APBB2: variants seen among roughly 807,000 people sequenced by gnomAD.
The protein encoded by APBB2 is amyloid beta precursor protein binding family B member 2, also known as Fe65-like 1.
A neutral mutation model predicts 82.5 loss-of-function variants in APBB2; 38 were observed. The observed-to-expected ratio is 0.46, with a 90% confidence interval of 0.36 to 0.60. APBB2 has a LOEUF of 0.60. Among genes scored for constraint, APBB2 ranks in the 20% least tolerant of loss-of-function variants. The pLI is 0.00. For missense variants in APBB2, 772 were observed against 972.3 expected, an observed-to-expected ratio of 0.79 and a Z score of 2.74; for synonymous variants, 341 against 368.2, an observed-to-expected ratio of 0.93 and a Z score of 0.85.
chr4:40,899,741 G>C (rs1452556924), intron 10 of APBB2, among the ~76,000 whole-genome samples: 1 of 152,104 alleles, frequency 6.6e-6, no homozygotes, highest in African/African-American at 2.4e-5. Flanking sequence ...GAATTTCTAG[G>C]TTTCTGTCCT....
intron 6 of APBB2, among the ~76,000 whole-genome samples, chr4:40,960,641 G>A (rs1424959285): frequency 1.3e-5 from 2 of 151,828 alleles, no homozygotes; most frequent in Admixed American, 6.6e-5. Flanking sequence ...TAGAGACGGG[G>A]TTTCACCGAG....
At chr4:41,160,563 C>T (rs1318458269) in intron 1 of APBB2, among the ~76,000 whole-genome samples, 1 of 152,120 alleles carries the variant, frequency 6.6e-6, no homozygotes, top group African/African-American at 2.4e-5. Flanking sequence ...CCGCCTTGGG[C>T]AAATCCCTCA....
At chr4:40,895,643 A>G (rs1773458569) in intron 10 of APBB2, among the ~76,000 whole-genome samples, 1 of 152,220 alleles carries the variant, frequency 6.6e-6, no homozygotes, top group African/African-American at 2.4e-5. Context: ...CTGATCCCTA[A>G]GTGCCCAGGC....
chr4:41,189,467 C>T (rs541809083), intron 1 of APBB2, among the ~76,000 whole-genome samples: 1 of 152,262 alleles, frequency 6.6e-6, no homozygotes, highest in South Asian at 2.1e-4. Flanking sequence ...CACCTAAGAT[C>T]TGTGTGCTTT....
intron 5 of APBB2, among the ~76,000 whole-genome samples, chr4:41,020,048 CAGAG>C (rs1381454057): frequency 6.6e-6 from 1 of 152,176 alleles, no homozygotes; most frequent in Non-Finnish European, 1.5e-5. Context: ...ACAAAGGAGT[CAGAG>C]AGAAAGAGAC....
intron 2 of APBB2, among the ~76,000 whole-genome samples, chr4:41,106,438 T>C (rs149269534): frequency 7.1e-6 from 1 of 141,616 alleles, no homozygotes; most frequent in East Asian, 2.1e-4. Context: ...GATTAATGAC[T>C]TTTAACTTTT....
intron 6 of APBB2, among the ~76,000 whole-genome samples, chr4:40,994,039 C>A (rs957279593): frequency 7.3e-4 from 111 of 152,232 alleles, no homozygotes; most frequent in African/African-American, 2.6e-3. Context: ...CCTGTAATCC[C>A]AGCACTTTGG....
chr4:41,104,750 T>C (rs896811572), intron 2 of APBB2, among the ~76,000 whole-genome samples: 7 of 152,138 alleles, frequency 4.6e-5, no homozygotes, highest in Admixed American at 1.3e-4. Flanking sequence ...GAATGTGTGG[T>C]ATTTGGTTTT....
At chr4:40,970,000 G>A (rs571411997) in intron 6 of APBB2, among the ~76,000 whole-genome samples, 59 of 152,262 alleles carry the variant, frequency 3.9e-4, no homozygotes, top group African/African-American at 1.3e-3. Flanking sequence ...AACATATCCT[G>A]CCCTTACATG....
chr4:41,180,315 G>A (rs1196305327), intron 1 of APBB2, among the ~76,000 whole-genome samples: 1 of 152,162 alleles, frequency 6.6e-6, no homozygotes, highest in African/African-American at 2.4e-5. Flanking sequence ...GTCCTTAAGA[G>A]TAAACTTGGC....
chr4:41,212,293 A>G (rs1340775624), intron 1 of APBB2, among the ~76,000 whole-genome samples: 1 of 152,170 alleles, frequency 6.6e-6, no homozygotes, highest in Non-Finnish European at 1.5e-5. Flanking sequence ...CAGTATTCAC[A>G]TTACTCCAGC....
At position 41,078,170 on chromosome 4, in the gene APBB2, C is replaced by T. The variant is rs926292611; in HGVS notation, c.-148-12497G>A. On this transcript the variant is annotated intron_variant, in intron 3 of 17. Transcript: ENST00000508593. ...GAATAAAAGAAAGATAAACCCCTCTCTTCCTCAATGGAATTCATGTTTAAT... is the reference window on the plus strand; with the variant it reads ...GAATAAAAGAAAGATAAACCCCTCTTTTCCTCAATGGAATTCATGTTTAAT... Among the ~76,000 whole-genome samples, 3 of 152,110 alleles carry T rather than the reference C, an allele frequency of 2.0e-5. No homozygotes were observed. The East Asian group carries it at 5.8e-4, about 29-fold the overall frequency.
In APBB2 at chr4:41,065,623, G is replaced by C. The variant is rs928985740; in HGVS notation, c.-98C>G. Reference sequence around the variant, plus strand: ...AGCCCATAGCGACAGTCAACACATTGGCAGAGGCCTCGGCAGTTCCCAAGT... The same window carrying C: ...AGCCCATAGCGACAGTCAACACATTCGCAGAGGCCTCGGCAGTTCCCAAGT... On this transcript the variant is annotated 5_prime_UTR_variant, in exon 4 of 18. Transcript: ENST00000508593. 1 of 151,912 alleles carries C rather than the reference G, an allele frequency of 6.6e-6. No individual in the cohort carries two copies. Among genetic ancestry groups the C allele is most frequent in the Non-Finnish European group, 1.5e-5 (1 of 68,008 alleles). 9.4% of individuals were successfully genotyped at this position (151,912 alleles called of 1,614,324 possible). A position where few individuals can be genotyped will look rare whatever the true frequency, so the allele number is the denominator to read the frequency against.
chr4:40,935,202 GAAAA>G, intron 7 of APBB2, 63 bp from the exon 8 acceptor site: 4 of 806,732 alleles, frequency 5.0e-6, no homozygotes, highest in Non-Finnish European at 7.3e-6. Context: ...GAAAAGAAAA[GAAAA>G]AAAAAAAACA....
chr4:41,113,273 T>C (rs1749836356), intron 2 of APBB2, among the ~76,000 whole-genome samples: 1 of 152,210 alleles, frequency 6.6e-6, no homozygotes, highest in Admixed American at 6.5e-5. Flanking sequence ...TGAATTATTT[T>C]GGTGTTAGAT....
At chr4:41,093,726 C>A (rs1184640111) in intron 3 of APBB2, among the ~76,000 whole-genome samples, 1 of 152,030 alleles carries the variant, frequency 6.6e-6, no homozygotes, top group South Asian at 2.1e-4. Context: ...TGGTGGCGCA[C>A]GCCTGTAATC....
Position 40,897,786 on chromosome 4 carries a change from C to T in APBB2, c.1255-4375G>A, listed in dbSNP as rs545094481. 1.1e-4 allele frequency among the ~76,000 whole-genome samples: 17 copies of T among 152,194 alleles called. No individual in the cohort carries two copies. The South Asian group carries it at 3.3e-3, about 30-fold the overall frequency. On this transcript the variant is annotated intron_variant, in intron 10 of 17. Coordinates refer to ENST00000508593, the MANE Select transcript of APBB2 (RefSeq NM_004307.2). Reference sequence around the variant, plus strand: ...AACCTGCAATGTTTGGTGCTGCCCCCGTGTGGCCAGGAAGGTTCATAACCA... The same window carrying T: ...AACCTGCAATGTTTGGTGCTGCCCCTGTGTGGCCAGGAAGGTTCATAACCA...
Position 40,811,467 on chromosome 4 carries a change from G to A in APBB2, c.*4625C>T, listed in dbSNP as rs536798440. On this transcript the variant is annotated 3_prime_UTR_variant, in exon 18 of 18. Transcript: ENST00000508593. ...TACTCAGGAGGCTGAGGCGAGAATT[G>A]CTTGAACTTGGGAGGTGGAGGTTGT... 2.6e-5 allele frequency: 4 copies of A among 151,722 alleles called. No individual in the cohort carries two copies. Among genetic ancestry groups the A allele is most frequent in the African/African-American group, 9.7e-5 (4 of 41,342 alleles). 9.4% of individuals were successfully genotyped at this position (151,722 alleles called of 1,614,324 possible). A position where few individuals can be genotyped will look rare whatever the true frequency, so the allele number is the denominator to read the frequency against.
chr4:40,870,874 A>T (rs1765321095), intron 12 of APBB2, among the ~76,000 whole-genome samples: 1 of 151,890 alleles, frequency 6.6e-6, no homozygotes, highest in Non-Finnish European at 1.5e-5. Flanking sequence ...CTGGGATAAC[A>T]GGTGCATGAC....
Sources: gnomAD v4.1 joint callset for allele counts (sites outside exome capture counted in the v4.1 genomes callset) on GRCh38, gnomAD v4.1.1 for gene constraint, MANE v1.5 for transcripts, NCBI Gene and HGNC (gene_info 2026-07-23, HGNC 2026-07-21) for gene names.